MRM3: variants seen among roughly 807,000 people sequenced by gnomAD.
MRM3 encodes the protein rRNA methyltransferase 3, mitochondrial.
A neutral mutation model predicts 29.4 loss-of-function variants in MRM3; 26 were observed. The observed-to-expected ratio is 0.89, with a 90% CI of 0.65 to 1.23. MRM3 has a LOEUF of 1.23. Among genes scored for constraint, MRM3 ranks in the 50% most tolerant of loss-of-function variants. MRM3 has a pLI of 0.00. For synonymous variants in MRM3, 225 were observed against 219.0 expected, an observed-to-expected ratio of 1.03 and a Z score of -0.24; for missense variants, 578 against 540.2, an observed-to-expected ratio of 1.07 and a Z score of -0.69.
At position 787,954 on chromosome 17, in the gene MRM3, T is replaced by C; in HGVS notation, c.560-11T>C. On this transcript the variant is annotated splice_polypyrimidine_tract_variant and intron_variant, in intron 2 of 3. Coordinates refer to ENST00000304478, the MANE Select transcript of MRM3 (RefSeq NM_018146.4). This position sits in a 1 kb window ranked among gnomAD's most constrained non-coding sequence, Gnocchi z 4.1. Reference sequence around the variant, plus strand: ...CACCAGGCAAGTAAACCACCTGTTTTGTTTCCTCAGGGATTTTTGCCAAGC... The same window carrying C: ...CACCAGGCAAGTAAACCACCTGTTTCGTTTCCTCAGGGATTTTTGCCAAGC... 6.2e-7 allele frequency: 1 copy of C among 1,613,032 alleles called. No individual in the cohort carries two copies. The highest frequency in any genetic ancestry group is 2.2e-5 in the East Asian group (1 of 44,888).
chr17:785,331 C>T (rs1158700942), intron 2 of MRM3, among the ~76,000 whole-genome samples: 1 of 151,980 alleles, frequency 6.6e-6, no homozygotes, highest in African/African-American at 2.4e-5. Flanking sequence ...AGCCTTTTTC[C>T]AATTTTTCTC....
rs1358316489 is a variant in MRM3 at position 792,045 on chromosome 17, G to C, written c.1239G>C (p.Leu413Phe). The change falls in exon 4 of 4, where the codon TTG becomes TTC. Residue 413 changes from leucine to phenylalanine, a missense_variant. Coordinates refer to ENST00000304478, the MANE Select transcript of MRM3 (RefSeq NM_018146.4). The part of the protein sequence containing the change: ...KRQLRGRAED[L>F]SRDRSYH ...AGCTGCGGGGGAGGGCGGAGGACTT[G>C]AGCAGGGACAGGAGTTACCACTGAG... 2 of 1,609,548 alleles carry C rather than the reference G, an allele frequency of 1.2e-6. No individual in the cohort carries two copies. The highest frequency in any genetic ancestry group is 1.3e-5 in the African/African-American group (1 of 75,034).
At chr17:789,099 A>G (rs1910677377) in intron 3 of MRM3, among the ~76,000 whole-genome samples, 1 of 152,234 alleles carries the variant, frequency 6.6e-6, no homozygotes, top group African/African-American at 2.4e-5. Context: ...TGCTGAGATT[A>G]TAGGCATTAG....
chr17:791,510 G>T (rs769989822), intron 3 of MRM3, 24 bp from the exon 4 acceptor site: 1 of 1,604,028 alleles, frequency 6.2e-7, no homozygotes, highest in Admixed American at 1.7e-5. Context: ...GTAACATCTT[G>T]ATTGTTTCCT....
chr17:791,537 G>A lies in MRM3; in HGVS notation c.731G>A (p.Cys244Tyr), dbSNP rs1460680731. The A allele has an allele frequency of 1.2e-6, 2 of 1,612,776 alleles. No homozygotes were observed. Among genetic ancestry groups the A allele is most frequent in the African/African-American group, 2.7e-5 (2 of 74,984 alleles). Reference protein sequence around the residue: ...GCSKVLLTKGCVDAWEPKVLR... With the variant: ...GCSKVLLTKGYVDAWEPKVLR... ...TTGTTTCCTTTTTATTTTCCAGGCTGTGTGGATGCCTGGGAGCCCAAAGTG... is the reference window on the plus strand; with the variant it reads ...TTGTTTCCTTTTTATTTTCCAGGCTATGTGGATGCCTGGGAGCCCAAAGTG... Residue 244 changes from cysteine (C) to tyrosine (Y), a missense_variant, in exon 4 of 4, where the codon TGT (cysteine) becomes TAT (tyrosine). Cys to Tyr is a radical substitution (Grantham distance 194). Coordinates refer to ENST00000304478, the MANE Select transcript of MRM3 (RefSeq NM_018146.4).
intron 2 of MRM3, among the ~76,000 whole-genome samples, chr17:786,769 A>G (rs1345612594): frequency 1.3e-5 from 2 of 152,238 alleles, no homozygotes; most frequent in Non-Finnish European, 2.9e-5. Flanking sequence ...GTGAACGTTA[A>G]TAGTGCACGC....
Position 782,532 on chromosome 17 carries a change from C to T in MRM3, c.154C>T (p.Arg52Cys). ...FPSGEVVEQK[R>C]APGKQPRKAP... ...TTCCGGAGAGGTGGTGGAACAGAAG[C>T]GCGCTCCTGGGAAGCAGCCCCGCAA... Residue 52 changes from arginine to cysteine, a missense_variant, in exon 1 of 4, where the codon CGC becomes TGC. Transcript: ENST00000304478. 4 of 1,613,590 alleles carry T rather than the reference C, an allele frequency of 2.5e-6. No homozygotes were observed. Among genetic ancestry groups the T allele is most frequent in the Non-Finnish European group, 2.5e-6 (3 of 1,179,556 alleles).
chr17:784,020 CA>C (rs1910411088), intron 2 of MRM3, among the ~76,000 whole-genome samples: 1 of 152,176 alleles, frequency 6.6e-6, no homozygotes, highest in Admixed American at 6.5e-5. Flanking sequence ...AAGCGAGGTA[CA>C]AGCCACAATT....
rs1045132893 is a variant in MRM3 at position 786,276 on chromosome 17, TTTTG to T, written c.560-1676_560-1673del. On this transcript the variant is annotated intron_variant, in intron 2 of 3. Coordinates refer to ENST00000304478, the MANE Select transcript of MRM3 (RefSeq NM_018146.4). ...CCACCATGCCTGGCTAATTTTTGTTTTTTGTTTGTTTGTTTGAGACGAAGTCTCG... is the reference window on the plus strand; with the variant it reads ...CCACCATGCCTGGCTAATTTTTGTTTTTTGTTTGTTTGAGACGAAGTCTCG... Among the ~76,000 whole-genome samples, 9 of 151,962 alleles carry T rather than the reference TTTTG, an allele frequency of 5.9e-5. No homozygotes were observed. In the South Asian group the frequency reaches 6.2e-4, roughly 11 times the overall value.
In MRM3 at chr17:791,978, C is replaced by T. The variant is rs138299208; in HGVS notation, c.1172C>T (p.Ser391Leu). Residue 391 changes from serine to leucine, a missense_variant, in exon 4 of 4, where the codon TCG becomes TTG. By Grantham distance (145) the Ser-to-Leu change is moderately radical. Coordinates refer to ENST00000304478, the MANE Select transcript of MRM3 (RefSeq NM_018146.4). ...PVVPGVDSLN[S>L]AMAASILLFE... ...GTGCCTGGTGTGGACAGCCTCAACT[C>T]GGCCATGGCGGCAAGCATCCTGCTT... is the stretch of plus-strand genomic sequence containing the variant. 2.5e-6 allele frequency: 4 copies of T among 1,613,842 alleles called. No homozygotes were observed. In the African/African-American group the frequency reaches 4.0e-5, roughly 16 times the overall value.
intron 2 of MRM3, among the ~76,000 whole-genome samples, chr17:786,351 G>A (rs1910534128): frequency 6.6e-6 from 1 of 152,236 alleles, no homozygotes; most frequent in Non-Finnish European, 1.5e-5. Flanking sequence ...TCCGCTCATT[G>A]CAAGGTCCGC....
intron 2 of MRM3, among the ~76,000 whole-genome samples, chr17:786,430 C>T (rs375948518): frequency 6.6e-6 from 1 of 152,108 alleles, no homozygotes; most frequent in African/African-American, 2.4e-5. Context: ...CCCGTCACCA[C>T]GCCCGGCTAA....
rs755340827 is a variant in MRM3 at position 783,150 on chromosome 17, C to A, written c.382C>A (p.Arg128Ser). ...EKQGKILLEG[R>S]RLISDALKAG... The stretch of plus-strand genomic sequence containing the variant: ...ACAAGGGAAGATCCTGCTGGAAGGT[C>A]GCAGGCTCATTTCAGACGCTCTCAA... The change falls in exon 2 of 4, where the codon CGC (arginine) becomes AGC (serine). Residue 128 changes from arginine (R) to serine (S), a missense_variant. Transcript: ENST00000304478. 2.5e-6 allele frequency: 4 copies of A among 1,613,862 alleles called. No individual in the cohort carries two copies. The highest frequency in any genetic ancestry group is 3.4e-6 in the Non-Finnish European group (4 of 1,179,996).
In MRM3 at chr17:783,197, GTTC is replaced by G. The variant is rs753394010; in HGVS notation, c.435_437del (p.Phe146del). 21 of 1,614,136 alleles carry G rather than the reference GTTC, an allele frequency of 1.3e-5. No homozygotes were observed. Among genetic ancestry groups the G allele is most frequent in the Non-Finnish European group, 1.5e-5 (18 of 1,180,032 alleles). Reference sequence around the variant, plus strand: ...TCAAGGCTGGAGCTGTGCCAAAAATGTTCTTCTTTAGCCGTCTAGAATACCTAA... The same window carrying G: ...TCAAGGCTGGAGCTGTGCCAAAAATGTTCTTTAGCCGTCTAGAATACCTAA... On this transcript the variant is annotated inframe_deletion, in exon 2 of 4. Transcript: ENST00000304478.
At chr17:788,940 A>G (rs758497435) in intron 3 of MRM3, among the ~76,000 whole-genome samples, 1 of 152,216 alleles carries the variant, frequency 6.6e-6, no homozygotes, top group African/African-American at 2.4e-5. Flanking sequence ...AAGTTACTTC[A>G]TACCTTACCT....
chr17:788,543 C>T (rs187979881), intron 3 of MRM3, among the ~76,000 whole-genome samples: 22 of 147,950 alleles, frequency 1.5e-4, no homozygotes, highest in Admixed American at 1.2e-3. Flanking sequence ...GTTGAACTGG[C>T]TCTGACTCAA....
intron 2 of MRM3, among the ~76,000 whole-genome samples, chr17:786,576 A>T (rs1440525139): frequency 2.0e-5 from 3 of 151,818 alleles, no homozygotes; most frequent in African/African-American, 7.3e-5. Flanking sequence ...TGCCTGGCCT[A>T]ATTTTTGTAT....
At chr17:785,445 C>T (rs1196554886) in intron 2 of MRM3, among the ~76,000 whole-genome samples, 1 of 152,030 alleles carries the variant, frequency 6.6e-6, no homozygotes, top group Non-Finnish European at 1.5e-5. Context: ...ATGTAGAGAT[C>T]ATTAAATAAG....
intron 2 of MRM3, among the ~76,000 whole-genome samples, chr17:784,314 T>G (rs1356961635): frequency 2.0e-5 from 3 of 152,242 alleles, no homozygotes; most frequent in Non-Finnish European, 2.9e-5. Flanking sequence ...CTCAGAGCTC[T>G]TAGATCCTAG....
Sources: gnomAD v4.1 joint callset for allele counts (sites outside exome capture counted in the v4.1 genomes callset) on GRCh38, gnomAD v4.1.1 for gene constraint, Gnocchi (gnomAD v3.1) non-coding constraint, MANE v1.5 for transcripts, NCBI Gene and HGNC (gene_info 2026-07-23, HGNC 2026-07-21) for gene names.